The following MAN2A1 variants were observed in gnomAD, a reference collection of about 807,000 sequenced individuals.
The protein encoded by MAN2A1 is alpha-mannosidase 2.
MAN2A1 carries 76 observed loss-of-function variants against 142.6 expected under a neutral mutation model. The observed-to-expected ratio is 0.53, with a 90% CI of 0.44 to 0.65. The LOEUF (loss-of-function observed/expected upper bound fraction) is 0.65, where lower values mean the gene tolerates loss of function less well. Among genes scored for constraint, MAN2A1 ranks in the 30% least tolerant of loss-of-function variants. The probability of loss-of-function intolerance (pLI) is 0.00; values close to 1 mark genes in which losing one functional copy is unlikely to be tolerated. For missense variants in MAN2A1, 1,311 were observed against 1,365.1 expected (o/e 0.96, Z 0.62); for synonymous variants, 559 against 473.2 (o/e 1.18, Z -2.35).
chr5:109,691,370 C>G (rs958599792), intron 1 of MAN2A1, among the ~76,000 whole-genome samples: 2 of 152,168 alleles, frequency 1.3e-5, no homozygotes, highest in Admixed American at 1.3e-4. Flanking sequence ...AAGTTACTTG[C>G]CAATATAACC....
Position 109,713,625 on chromosome 5 carries a change from G to A in MAN2A1, c.241G>A (p.Glu81Lys). ...TAGAGACTCAGTCATCAATTTGAGT[G>A]AGTCTGTGGAGGATGGTCCGAAAAG... ...NIRDSVINLS[E>K]SVEDGPKSSQ... The change falls in exon 2 of 22, where the codon GAG (glutamate) becomes AAG (lysine). Residue 81 changes from glutamate to lysine, a missense_variant. Coordinates refer to ENST00000261483, the MANE Select transcript of MAN2A1 (RefSeq NM_002372.4). The A allele has an allele frequency of 6.2e-7, 1 of 1,614,186 alleles. No individual in the cohort carries two copies. The highest frequency in any genetic ancestry group is 8.5e-7 in the Non-Finnish European group (1 of 1,180,018).
chr5:109,822,636 C>A (rs1754656049), intron 15 of MAN2A1, among the ~76,000 whole-genome samples: 1 of 151,792 alleles, frequency 6.6e-6, no homozygotes, highest in South Asian at 2.1e-4. Flanking sequence ...TTTTCCCTAG[C>A]CAAAGAGGTA....
chr5:109,690,340 C>A lies in MAN2A1; in HGVS notation c.-78C>A, dbSNP rs1253405495. 8 of 1,504,850 alleles carry A rather than the reference C, an allele frequency of 5.3e-6. No homozygotes were observed. Among genetic ancestry groups the A allele is most frequent in the South Asian group, 1.1e-5 (1 of 88,418 alleles). The allele number at this position is 1,504,850 out of a possible 1,614,324, so 93.2% of individuals were successfully genotyped here. A position where few individuals can be genotyped will look rare whatever the true frequency, so the allele number is the denominator to read the frequency against. On this transcript the variant is annotated 5_prime_UTR_variant, in exon 1 of 22. Transcript: ENST00000261483. ...CAGCCCGGGAGAAGGGAGCCTCCGG[C>A]GGCTGCTTCCTAGAGTCCACAGTGC...
intron 1 of MAN2A1, among the ~76,000 whole-genome samples, chr5:109,712,221 C>G (rs1312678189): frequency 6.6e-6 from 1 of 151,864 alleles, no homozygotes; most frequent in African/African-American, 2.4e-5. Flanking sequence ...CTCCCTTTCC[C>G]CTTGTTGAAC....
intron 1 of MAN2A1, among the ~76,000 whole-genome samples, chr5:109,711,861 C>T (rs141608542): frequency 6.6e-6 from 1 of 152,094 alleles, no homozygotes; most frequent in Admixed American, 6.5e-5. Context: ...CACCCCACCC[C>T]ATCTTAGAGA....
At chr5:109,708,509 G>GAGACACACACACACACACACACACAC (rs1554072321) in intron 1 of MAN2A1, among the ~76,000 whole-genome samples, 15 of 124,608 alleles carry the variant, frequency 1.2e-4, no homozygotes, top group African/African-American at 4.1e-4. Flanking sequence ...GAACTGATAG[G>GAGACACACACACACACACACACACAC]ACACACACAC....
chr5:109,764,457 C>T (rs1383000416), intron 5 of MAN2A1, among the ~76,000 whole-genome samples: 2 of 151,978 alleles, frequency 1.3e-5, no homozygotes, highest in Non-Finnish European at 2.9e-5. Context: ...TTGGATTTTT[C>T]TTATATTGTA....
intron 12 of MAN2A1, among the ~76,000 whole-genome samples, chr5:109,799,824 T>C (rs530310191): frequency 2.7e-5 from 4 of 146,650 alleles, no homozygotes; most frequent in Non-Finnish European, 1.5e-5. Context: ...CATGGTGACT[T>C]ACCCTATAAT....
chr5:109,751,139 C>T (rs1752535183), intron 4 of MAN2A1, among the ~76,000 whole-genome samples: 1 of 152,056 alleles, frequency 6.6e-6, no homozygotes, highest in Admixed American at 6.6e-5. Flanking sequence ...CCAATCGCTA[C>T]CCTAAGTCAA....
intron 4 of MAN2A1, among the ~76,000 whole-genome samples, chr5:109,738,503 A>T (rs1031896532): frequency 6.6e-6 from 1 of 152,146 alleles, no homozygotes; most frequent in Non-Finnish European, 1.5e-5. Flanking sequence ...CTTGAAGGAC[A>T]GTCAGCTTGG....
chr5:109,777,347 T>C (rs879713839), intron 8 of MAN2A1, among the ~76,000 whole-genome samples: 2 of 152,112 alleles, frequency 1.3e-5, no homozygotes, highest in Non-Finnish European at 2.9e-5. Context: ...CATATGTTTA[T>C]TGCCATTTGA....
rs376201237 is a variant in MAN2A1, at chr5:109,793,646, G to A, written c.1943+4119G>A. Among the ~76,000 whole-genome samples, 26 of 152,190 alleles carry A rather than the reference G, an allele frequency of 1.7e-4. No individual in the cohort carries two copies. The East Asian group carries it at 4.6e-3, about 27-fold the overall frequency. On this transcript the variant is annotated intron_variant, in intron 12 of 21. Coordinates refer to ENST00000261483, the MANE Select transcript of MAN2A1 (RefSeq NM_002372.4). The stretch of plus-strand genomic sequence containing the variant: ...ATAAACCATAATTCAATAAAGCTTG[G>A]AATTTGTATAACTGTCCATTTAAGA...
At chr5:109,774,752 A>C in intron 7 of MAN2A1, 36 bp from the exon 8 acceptor site, 4 of 1,528,038 alleles carry the variant, frequency 2.6e-6, no homozygotes, top group Non-Finnish European at 3.6e-6. Flanking sequence ...AGTCAAATTC[A>C]TATTTGCTGT....
At chr5:109,714,561 C>T (rs560389297) in intron 2 of MAN2A1, among the ~76,000 whole-genome samples, 1 of 152,320 alleles carries the variant, frequency 6.6e-6, no homozygotes, top group African/African-American at 2.4e-5. Flanking sequence ...TTCTGCCTTT[C>T]TTAAACTCAG....
chr5:109,705,564 A>G (rs138842172), intron 1 of MAN2A1, among the ~76,000 whole-genome samples: 3 of 152,304 alleles, frequency 2.0e-5, no homozygotes, highest in African/African-American at 7.2e-5. Flanking sequence ...AAAAAGGACT[A>G]AGCATAAGAA....
At chr5:109,697,854 G>C (rs184362544) in intron 1 of MAN2A1, among the ~76,000 whole-genome samples, 106 of 152,334 alleles carry the variant, frequency 7.0e-4, no homozygotes, top group African/African-American at 2.5e-3. Flanking sequence ...TATTAGATAA[G>C]CATTGGTCAA....
chr5:109,699,497 A>G (rs1187111824), intron 1 of MAN2A1: 5 of 152,216 alleles, frequency 3.3e-5, no homozygotes, highest in African/African-American at 1.2e-4. Flanking sequence ...AGAATAAATA[A>G]GTGATGTAAT....
At position 109,767,126 on chromosome 5, in the gene MAN2A1, C is replaced by T. The variant is rs536264079; in HGVS notation, c.836-409C>T. On this transcript the variant is annotated intron_variant, in intron 5 of 21. Coordinates refer to ENST00000261483, the MANE Select transcript of MAN2A1 (RefSeq NM_002372.4). ...TGGGAAATGTAAGTTGAAATAGGTA[C>T]GTTACTTTTCTTTATCATGTAATAG... Among the ~76,000 whole-genome samples the T allele has an allele frequency of 3.3e-5, 5 of 152,232 alleles. No homozygotes were observed. In the South Asian group the frequency reaches 1.0e-3, roughly 32 times the overall value.
chr5:109,804,514 C>A (rs1393792911), intron 12 of MAN2A1, among the ~76,000 whole-genome samples: 1 of 151,982 alleles, frequency 6.6e-6, no homozygotes, highest in Non-Finnish European at 1.5e-5. Flanking sequence ...GTTCTTTTAT[C>A]CCTTGTGACA....
Sources: allele counts gnomAD v4.1 joint callset (sites outside exome capture counted in the v4.1 genomes callset), GRCh38; gene constraint gnomAD v4.1.1; transcripts MANE v1.5; gene names NCBI Gene and HGNC (gene_info 2026-07-23, HGNC 2026-07-21).